NRG3: variants seen among roughly 807,000 people sequenced by gnomAD.
NRG3 encodes pro-neuregulin-3, membrane-bound isoform.
A neutral mutation model predicts 66.9 loss-of-function variants in NRG3; 31 were observed. That is an observed-to-expected ratio of 0.46 (90% CI 0.35 to 0.63). NRG3 has a LOEUF of 0.63. Among genes scored for constraint, NRG3 ranks in the 20% least tolerant of loss-of-function variants. The pLI is 0.00. For missense variants in NRG3, 910 were observed against 878.9 expected (o/e 1.04, Z -0.45); for synonymous variants, 393 against 359.4 (o/e 1.09, Z -1.06).
At chr10:82,469,462 A>AGTGGTGGTG (rs918939917) in intron 2 of NRG3, among the ~76,000 whole-genome samples, 4 of 150,626 alleles carry the variant, frequency 2.7e-5, no homozygotes, top group African/African-American at 7.5e-5. Flanking sequence ...GATGCCTCTT[A>AGTGGTGGTG]GTGGTGGTGG....
intron 2 of NRG3, among the ~76,000 whole-genome samples, chr10:82,695,787 A>G (rs936973529): frequency 2.0e-5 from 3 of 152,158 alleles, no homozygotes; most frequent in Admixed American, 2.0e-4. Context: ...CTCCTCCCAG[A>G]TCACGTGTCC....
intron 2 of NRG3, among the ~76,000 whole-genome samples, chr10:82,693,350 G>A (rs1196231118): frequency 2.0e-5 from 3 of 152,034 alleles, no homozygotes; most frequent in African/African-American, 7.2e-5. Flanking sequence ...GATGATAATT[G>A]CATTTTTTAA....
At chr10:82,511,291 A>G (rs1297778408) in intron 2 of NRG3, among the ~76,000 whole-genome samples, 4 of 152,218 alleles carry the variant, frequency 2.6e-5, no homozygotes, top group Non-Finnish European at 5.9e-5. Flanking sequence ...GAAAAAAAAG[A>G]AAACTGATGT....
At chr10:82,523,566 G>A (rs913269682) in intron 2 of NRG3, among the ~76,000 whole-genome samples, 3 of 151,022 alleles carry the variant, frequency 2.0e-5, no homozygotes, top group African/African-American at 4.9e-5. Context: ...TTTTTAATTG[G>A]GTTATTTGCC....
intron 2 of NRG3, among the ~76,000 whole-genome samples, chr10:82,544,696 A>T (rs2043772769): frequency 6.6e-6 from 1 of 152,156 alleles, no homozygotes; most frequent in African/African-American, 2.4e-5. Flanking sequence ...CAGAGAGCTG[A>T]TCTGTACACA....
Position 82,165,232 on chromosome 10 carries a change from A to C in NRG3, c.824-193507A>C, listed in dbSNP as rs144644042. On this transcript the variant is annotated intron_variant, in intron 1 of 8. Transcript: ENST00000372141. ...AATATTCAGTTTTTTTTCTAGAACA[A>C]ATTTTCAATGAGAAGTAGTACTGGG... Among the ~76,000 whole-genome samples, 19 of 152,160 alleles carry C rather than the reference A, an allele frequency of 1.2e-4. No individual in the cohort carries two copies. In the East Asian group the frequency reaches 3.7e-3, roughly 29 times the overall value.
chr10:82,970,143 T>C (rs767501463), intron 6 of NRG3, among the ~76,000 whole-genome samples: 6 of 152,220 alleles, frequency 3.9e-5, no homozygotes, highest in Non-Finnish European at 7.3e-5. Context: ...TTTGCAATTA[T>C]GGAAATTTGC....
chr10:82,132,955 C>T (rs939804601), intron 1 of NRG3, among the ~76,000 whole-genome samples: 28 of 151,512 alleles, frequency 1.8e-4, no homozygotes, highest in African/African-American at 6.8e-4. Context: ...TGGATCTTCT[C>T]TTTTTGTAGT....
intron 2 of NRG3, among the ~76,000 whole-genome samples, chr10:82,388,006 G>A (rs889386798): frequency 6.6e-6 from 1 of 152,156 alleles, no homozygotes; most frequent in Non-Finnish European, 1.5e-5. Flanking sequence ...TTGCTACAAT[G>A]AAGGGCAATC....
chr10:82,925,896 T>C (rs1846944787), intron 4 of NRG3, among the ~76,000 whole-genome samples: 1 of 152,226 alleles, frequency 6.6e-6, no homozygotes, highest in Admixed American at 6.5e-5. Context: ...CCCAGGCTAA[T>C]GCAACTAGCG....
At chr10:82,427,929 A>G (rs139049656) in intron 2 of NRG3, among the ~76,000 whole-genome samples, 228 of 152,030 alleles carry the variant, frequency 1.5e-3, no homozygotes, top group Admixed American at 2.8e-3. Flanking sequence ...CTTAAGTCAG[A>G]TTTTATAGTT....
intron 1 of NRG3, among the ~76,000 whole-genome samples, chr10:81,883,293 A>G (rs543606407): frequency 6.6e-6 from 1 of 152,258 alleles, no homozygotes; most frequent in East Asian, 1.9e-4. Flanking sequence ...TATTTCTTCA[A>G]ATCTGTGTTT....
intron 2 of NRG3, among the ~76,000 whole-genome samples, chr10:82,391,597 C>G (rs2086369431): frequency 6.6e-6 from 1 of 152,104 alleles, no homozygotes; most frequent in African/African-American, 2.4e-5. Flanking sequence ...ATCCCTTTGT[C>G]TTTCCCCTTC....
chr10:82,750,493 A>G (rs2058821083), intron 3 of NRG3, among the ~76,000 whole-genome samples: 1 of 152,100 alleles, frequency 6.6e-6, no homozygotes, highest in Non-Finnish European at 1.5e-5. Flanking sequence ...AGGGTTCTGA[A>G]TTTTCTCTTA....
At chr10:82,187,857 C>T (rs570225605) in intron 1 of NRG3, among the ~76,000 whole-genome samples, 7 of 151,948 alleles carry the variant, frequency 4.6e-5, no homozygotes, top group African/African-American at 1.5e-4. Flanking sequence ...ATAGAAGAAG[C>T]TCATCTAGAA....
chr10:82,071,212 G>A (rs952221169), intron 1 of NRG3, among the ~76,000 whole-genome samples: 4 of 152,024 alleles, frequency 2.6e-5, no homozygotes, highest in East Asian at 3.9e-4. Flanking sequence ...TCCAGCAGTG[G>A]GCAAACAGAG....
At chr10:82,468,258 G>A (rs1206270212) in intron 2 of NRG3, among the ~76,000 whole-genome samples, 1 of 152,210 alleles carries the variant, frequency 6.6e-6, no homozygotes. Flanking sequence ...GAGGTTAGCA[G>A]TGATGCTCCT....
intron 3 of NRG3, among the ~76,000 whole-genome samples, chr10:82,816,238 G>A (rs765882451): frequency 1.6e-4 from 24 of 152,228 alleles, no homozygotes; most frequent in African/African-American, 4.1e-4. Context: ...GCCATTTGGC[G>A]TATCCCGAGT....
intron 1 of NRG3, among the ~76,000 whole-genome samples, chr10:82,050,404 G>A (rs1206038405): frequency 6.6e-6 from 1 of 151,962 alleles, no homozygotes; most frequent in African/African-American, 2.4e-5. Flanking sequence ...TTGGGATGCA[G>A]GAATGGATGG....
Sources: gnomAD v4.1 joint callset for allele counts (sites outside exome capture counted in the v4.1 genomes callset) on GRCh38, gnomAD v4.1.1 for gene constraint, MANE v1.5 for transcripts, NCBI Gene and HGNC (gene_info 2026-07-23, HGNC 2026-07-21) for gene names.